CORIN: variants seen among roughly 807,000 people sequenced by gnomAD.
CORIN encodes corin, serine peptidase, also known as atrial natriuretic peptide-converting enzyme.
A neutral mutation model predicts 125.3 loss-of-function variants in CORIN; 117 were observed. The ratio of observed to expected loss-of-function variants is 0.93; its 90% CI spans 0.80 to 1.09. The LOEUF (loss-of-function observed/expected upper bound fraction) is 1.09. CORIN is among the 50% of genes least tolerant of loss of function. CORIN has a pLI of 0.00. For missense variants in CORIN, 1,253 were observed against 1,306.7 expected (o/e 0.96, Z 0.63); for synonymous variants, 450 against 466.4 (o/e 0.96, Z 0.45).
chr4:47,761,544 G>T (rs1729462522), intron 4 of CORIN, among the ~76,000 whole-genome samples: 1 of 150,828 alleles, frequency 6.6e-6, no homozygotes, highest in African/African-American at 2.4e-5. Context: ...CCATAAAAAA[G>T]AAAAAAATCC....
At chr4:47,790,330 G>C (rs1387314695) in intron 2 of CORIN, 2 of 264,776 alleles carry the variant, frequency 7.6e-6, no homozygotes, top group African/African-American at 4.6e-5. Context: ...GGAGCCTCAG[G>C]AGGTTCACAC....
intron 5 of CORIN, among the ~76,000 whole-genome samples, chr4:47,703,192 T>C (rs1726390117): frequency 6.6e-6 from 1 of 152,086 alleles, no homozygotes; most frequent in Non-Finnish European, 1.5e-5. Flanking sequence ...CCTCCTATAC[T>C]CTCCATTCCC....
chr4:47,710,624 T>C (rs1375433773), intron 5 of CORIN, among the ~76,000 whole-genome samples: 3 of 152,216 alleles, frequency 2.0e-5, no homozygotes, highest in African/African-American at 7.2e-5. Context: ...CGCTTGTCCT[T>C]GGCCGCTGCT....
intron 16 of CORIN, chr4:47,632,503 A>G (rs1722844187): frequency 1.3e-5 from 2 of 152,208 alleles, no homozygotes; most frequent in South Asian, 2.1e-4. Context: ...TGTGTCAAGT[A>G]GAAATTTTAA....
chr4:47,659,279 T>C (rs2109659211), intron 12 of CORIN, among the ~76,000 whole-genome samples: 1 of 152,360 alleles, frequency 6.6e-6, no homozygotes, highest in Middle Eastern at 3.4e-3. Flanking sequence ...AACCCCTGCC[T>C]GTTACCCGGT....
At chr4:47,635,638 A>G (rs1265853929) in intron 16 of CORIN, among the ~76,000 whole-genome samples, 2 of 152,236 alleles carry the variant, frequency 1.3e-5, no homozygotes, top group Non-Finnish European at 1.5e-5. Context: ...CAAATTATGC[A>G]GTGTCTGACA....
At chr4:47,784,860 T>C (rs1442264068) in intron 3 of CORIN, among the ~76,000 whole-genome samples, 1 of 152,174 alleles carries the variant, frequency 6.6e-6, no homozygotes, top group Non-Finnish European at 1.5e-5. Flanking sequence ...TGGTAAACAC[T>C]ATGCACAACA....
At chr4:47,679,875 C>A (rs144185479) in intron 8 of CORIN, 2 of 314,396 alleles carry the variant, frequency 6.4e-6, no homozygotes, top group East Asian at 7.0e-5. Context: ...TATGGAGCAA[C>A]GAGAGAGAAA....
In CORIN at chr4:47,626,526, T is replaced by C. The variant is rs371284449; in HGVS notation, c.2199-5A>G. The C allele has an allele frequency of 8.7e-5, 136 of 1,566,144 alleles. No individual in the cohort carries two copies. Among genetic ancestry groups the C allele is most frequent in the Non-Finnish European group, 1.2e-4 (131 of 1,136,528 alleles). On this transcript the variant is annotated splice_polypyrimidine_tract_variant and splice_region_variant and intron_variant, in intron 16 of 21. Transcript: ENST00000273857. ...AATTTGGTCACAGATGGTTCTCTGA[T>C]ACAAGGCAAATACTGGATAAGTATT...
At chr4:47,659,474 C>G (rs1573804) in intron 12 of CORIN, among the ~76,000 whole-genome samples, 39,956 of 152,078 alleles carry the variant, frequency 0.26, 5,512 homozygotes, top group Admixed American at 0.36. Flanking sequence ...GTGAAGACAT[C>G]TGCTCAGCTT....
At chr4:47,632,295 C>T (rs968186261) in intron 16 of CORIN, 3 of 152,268 alleles carry the variant, frequency 2.0e-5, no homozygotes, top group African/African-American at 7.2e-5. Flanking sequence ...AGCCTCAGTC[C>T]TTGACAGTTC....
chr4:47,798,311 TG>T (rs1413610833), intron 2 of CORIN, among the ~76,000 whole-genome samples: 1 of 152,198 alleles, frequency 6.6e-6, no homozygotes, highest in African/African-American at 2.4e-5. Flanking sequence ...CATCTGTGTT[TG>T]TTAGCATAAG....
At chr4:47,616,502 G>A (rs925773308) in intron 19 of CORIN, among the ~76,000 whole-genome samples, 1 of 152,118 alleles carries the variant, frequency 6.6e-6, no homozygotes, top group Non-Finnish European at 1.5e-5. Flanking sequence ...AAGAAAACAA[G>A]GAGTTTTTGT....
rs557797275 is a variant in CORIN at position 47,756,444 on chromosome 4, C to A, written c.617+6935G>T. 3.0e-4 allele frequency among the ~76,000 whole-genome samples: 46 copies of A among 152,274 alleles called. No homozygotes were observed. The South Asian group carries it at 8.1e-3, about 27-fold the overall frequency. On this transcript the variant is annotated intron_variant, in intron 4 of 21. Coordinates refer to ENST00000273857, the MANE Select transcript of CORIN (RefSeq NM_006587.4). Reference sequence around the variant, plus strand: ...GAAATTCTTTAATCTTCAGTGAACACACATAATATAAAATTTGGGTAACAG... The same window carrying A: ...GAAATTCTTTAATCTTCAGTGAACAAACATAATATAAAATTTGGGTAACAG...
intron 3 of CORIN, among the ~76,000 whole-genome samples, chr4:47,770,247 GA>G (rs1401437760): frequency 1.3e-5 from 2 of 152,108 alleles, no homozygotes; most frequent in African/African-American, 4.8e-5. Context: ...ACAGGTATAT[GA>G]AAAAAAGTTC....
chr4:47,684,749 A>G (rs1246154825), intron 6 of CORIN, among the ~76,000 whole-genome samples: 1 of 152,224 alleles, frequency 6.6e-6, no homozygotes. Context: ...AAATTTGGAT[A>G]TCCAGAGTCT....
intron 4 of CORIN, among the ~76,000 whole-genome samples, chr4:47,756,649 T>C (rs1729159717): frequency 7.2e-6 from 1 of 139,128 alleles, no homozygotes; most frequent in South Asian, 2.1e-4. Context: ...GGCTAAGTAA[T>C]TTTTTTTATA....
chr4:47,627,434 T>G (rs1489977765), intron 16 of CORIN, among the ~76,000 whole-genome samples: 1 of 152,066 alleles, frequency 6.6e-6, no homozygotes, highest in Non-Finnish European at 1.5e-5. Context: ...AACACAAGAG[T>G]ATTTCATAAT....
chr4:47,733,894 A>T (rs1167344583), intron 5 of CORIN, among the ~76,000 whole-genome samples: 1 of 152,254 alleles, frequency 6.6e-6, no homozygotes, highest in African/African-American at 2.4e-5. Context: ...AAGGATATTA[A>T]GAGAAGATGA....
Sources: allele counts gnomAD v4.1 joint callset (sites outside exome capture counted in the v4.1 genomes callset), GRCh38; gene constraint gnomAD v4.1.1; transcripts MANE v1.5; gene names NCBI Gene and HGNC (gene_info 2026-07-23, HGNC 2026-07-21).